Variants in SHOC1 observed in about 807,000 individuals in gnomAD.
The protein encoded by SHOC1 is shortage in chiasmata 1.
A neutral mutation model predicts 179.2 loss-of-function variants in SHOC1; 136 were observed. That is an observed-to-expected ratio of 0.76 (90% CI 0.66 to 0.87). The LOEUF (loss-of-function observed/expected upper bound fraction) is 0.87. SHOC1 is among the 40% of genes least tolerant of loss of function. The pLI is 0.00. For synonymous variants in SHOC1, 489 were observed against 586.6 expected, an observed-to-expected ratio of 0.83 and a Z score of 2.41; for missense variants, 1,538 against 1,700.8, an observed-to-expected ratio of 0.90 and a Z score of 1.68.
In SHOC1 at chr9:111,694,341, C is replaced by A. The variant is rs1267372475; in HGVS notation, c.3205G>T (p.Glu1069Ter). The A allele has an allele frequency of 1.2e-6, 2 of 1,609,264 alleles. No homozygotes were observed. The highest frequency in any genetic ancestry group is 3.3e-5 in the Admixed American group (2 of 59,946). The change falls in exon 25 of 28, where the codon GAA (glutamate) becomes TAA (stop). Residue 1069 changes from glutamate to a stop codon, truncating the protein, a stop_gained. Coordinates refer to ENST00000682961, the MANE Select transcript of SHOC1 (RefSeq NM_001378211.1). LOFTEE classifies it high-confidence loss of function. The part of the protein sequence containing the change: ...DVKLIIAPGV[E>*]ATALIIRQIA... ...TGTCGAATTATCAAGGCAGTTGCTT[C>A]TACTCCTGGGGCAATTATAAGCTAA...
At chr9:111,694,108 T>C (rs1248159314) in intron 25 of SHOC1, 123 bp downstream of exon 25, 4 of 1,147,164 alleles carry the variant, frequency 3.5e-6, no homozygotes, top group Non-Finnish European at 4.9e-6. Flanking sequence ...TTAAAACTTT[T>C]GTTATTGCAC....
At chr9:111,738,901 C>A (rs1833920790) in intron 11 of SHOC1, among the ~76,000 whole-genome samples, 1 of 151,992 alleles carries the variant, frequency 6.6e-6, no homozygotes, top group African/African-American at 2.4e-5. Flanking sequence ...TATAATAAGC[C>A]TAAACAAGAA....
At chr9:111,781,710 G>A (rs1381139035) in intron 3 of SHOC1, among the ~76,000 whole-genome samples, 1 of 115,656 alleles carries the variant, frequency 8.6e-6, no homozygotes, top group Non-Finnish European at 1.8e-5. Flanking sequence ...GCACCTGGGT[G>A]AGAGTGAGAC....
intron 5 of SHOC1, among the ~76,000 whole-genome samples, chr9:111,769,839 A>G (rs1158280375): frequency 6.6e-6 from 1 of 152,158 alleles, no homozygotes; most frequent in African/African-American, 2.4e-5. Flanking sequence ...TTGTTGGCAT[A>G]TATTTGTTCA....
intron 26 of SHOC1, among the ~76,000 whole-genome samples, chr9:111,692,750 T>C (rs759349094): frequency 2.0e-5 from 3 of 152,304 alleles, no homozygotes; most frequent in East Asian, 1.9e-4. Context: ...AGAACAATTT[T>C]AGGCTCACAG....
At chr9:111,760,362 AT>A (rs1835082177) in intron 5 of SHOC1, among the ~76,000 whole-genome samples, 1 of 152,136 alleles carries the variant, frequency 6.6e-6, no homozygotes, top group Non-Finnish European at 1.5e-5. Context: ...TGGAGTTCTT[AT>A]TTTACTACAG....
intron 7 of SHOC1, among the ~76,000 whole-genome samples, chr9:111,757,603 A>C (rs1747465181): frequency 6.6e-6 from 1 of 152,196 alleles, no homozygotes; most frequent in African/African-American, 2.4e-5. Context: ...AGATGCTATC[A>C]TCCTTGTTAA....
chr9:111,781,596 G>A (rs1836046734), intron 3 of SHOC1, among the ~76,000 whole-genome samples: 1 of 151,116 alleles, frequency 6.6e-6, no homozygotes, highest in Non-Finnish European at 1.5e-5. Context: ...GGTAGTGCAT[G>A]CCTCTAGTCC....
chr9:111,784,244 G>C (rs543351279), intron 3 of SHOC1, among the ~76,000 whole-genome samples: 1 of 152,276 alleles, frequency 6.6e-6, no homozygotes, highest in South Asian at 2.1e-4. Flanking sequence ...TGTTGACTCT[G>C]ACCACAAATT....
In SHOC1 at chr9:111,692,339, A is replaced by G; in HGVS notation, c.3638T>C (p.Leu1213Ser). 6.2e-7 allele frequency: 1 copy of G among 1,611,946 alleles called. No individual in the cohort carries two copies. The highest frequency in any genetic ancestry group is 8.5e-7 in the Non-Finnish European group (1 of 1,178,274). Residue 1213 changes from leucine (L) to serine (S), a missense_variant, in exon 27 of 28, where the codon TTA (leucine) becomes TCA (serine). Coordinates refer to ENST00000682961, the MANE Select transcript of SHOC1 (RefSeq NM_001378211.1). ...TTCCTGCACTGTCTCTCCTAATCCT[A>G]AATACTGATAATATTCATTATGTTC... ...IQEHNEYYQYLGLGETVQEDK... is the reference protein window; with the variant it reads ...IQEHNEYYQYSGLGETVQEDK...
intron 24 of SHOC1, among the ~76,000 whole-genome samples, chr9:111,696,186 A>G (rs1046599566): frequency 9.2e-5 from 14 of 152,224 alleles, no homozygotes; most frequent in Non-Finnish European, 1.9e-4. Flanking sequence ...AAAAATTGGA[A>G]TAACACTTAG....
chr9:111,753,781 CA>C (rs1460007212), intron 8 of SHOC1, among the ~76,000 whole-genome samples: 1 of 152,042 alleles, frequency 6.6e-6, no homozygotes, highest in African/African-American at 2.4e-5. Context: ...TAAAAACTCT[CA>C]AAAAATTAGG....
intron 6 of SHOC1, 91 bp from the exon 7 acceptor site, chr9:111,758,286 T>C (rs1834962746): frequency 1.4e-6 from 1 of 720,252 alleles, no homozygotes; most frequent in Non-Finnish European, 2.2e-6. Context: ...AAAATTAAAG[T>C]TGAGGTAAAA....
chr9:111,702,412 A>G (rs1225829165), intron 22 of SHOC1, among the ~76,000 whole-genome samples, 186 bp from the exon 23 acceptor site: 2 of 152,214 alleles, frequency 1.3e-5, no homozygotes, highest in Non-Finnish European at 2.9e-5. Flanking sequence ...TAGTAGACAT[A>G]AAACACCTAA....
chr9:111,727,880 T>C lies in SHOC1; in HGVS notation c.1587A>G (p.Lys529=), dbSNP rs1463744044. The C allele has an allele frequency of 7.4e-6, 12 of 1,612,826 alleles. No homozygotes were observed. Among genetic ancestry groups the C allele is most frequent in the Non-Finnish European group, 1.0e-5 (12 of 1,179,594 alleles). ...TTACTGGTTCTTGGTCATTCTTTGG[T>C]TTTTCTTCTTTTGCTGCTCCTTTAT... ...FSDKGAAKEE[K]PKNDQEPVNR... is the part of the protein sequence containing the mutation. The change falls in exon 13 of 28, where the codon AAA becomes AAG. Residue 529 remains lysine (K), a synonymous_variant. Transcript: ENST00000682961.
intron 19 of SHOC1, among the ~76,000 whole-genome samples, chr9:111,707,280 A>C (rs1219366575): frequency 6.6e-6 from 1 of 152,072 alleles, no homozygotes; most frequent in Non-Finnish European, 1.5e-5. Flanking sequence ...ACTATAATTA[A>C]AATTCTCTAT....
At chr9:111,698,543 T>C (rs898160955) in intron 24 of SHOC1, among the ~76,000 whole-genome samples, 10 of 152,196 alleles carry the variant, frequency 6.6e-5, no homozygotes. Flanking sequence ...TTCTGTTCCA[T>C]TGGTCTATAT....
At chr9:111,776,924 T>C (rs1270549604) in intron 4 of SHOC1, among the ~76,000 whole-genome samples, 1 of 152,200 alleles carries the variant, frequency 6.6e-6, no homozygotes, top group African/African-American at 2.4e-5. Context: ...GAGCCAGCTG[T>C]GCGGGACACC....
At chr9:111,709,099 G>A (rs897880570) in intron 18 of SHOC1, among the ~76,000 whole-genome samples, 4 of 152,210 alleles carry the variant, frequency 2.6e-5, no homozygotes, top group Non-Finnish European at 5.9e-5. Flanking sequence ...CCAGCACTTT[G>A]GGAGGCAGAG....
Sources: allele counts gnomAD v4.1 joint callset (sites outside exome capture counted in the v4.1 genomes callset), GRCh38; gene constraint gnomAD v4.1.1; transcripts MANE v1.5; gene names NCBI Gene and HGNC (gene_info 2026-07-23, HGNC 2026-07-21).